Variants in PTPRD observed in about 807,000 individuals in gnomAD.
The protein encoded by PTPRD is protein tyrosine phosphatase receptor type D.
A neutral mutation model predicts 214.5 loss-of-function variants in PTPRD; 34 were observed. That is an observed-to-expected ratio of 0.16 (90% CI 0.12 to 0.21). PTPRD has a LOEUF of 0.21. Ranked by LOEUF, PTPRD falls within the 10% of genes least tolerant of loss-of-function variation. The pLI is 1.00. For missense variants in PTPRD, 2,545 were observed against 2,398.7 expected (o/e 1.06, Z -1.27); for synonymous variants, 1,128 against 845.7 (o/e 1.33, Z -5.79).
chr9:8,561,384 A>G (rs1368702894), intron 14 of PTPRD, among the ~76,000 whole-genome samples: 1 of 152,088 alleles, frequency 6.6e-6, no homozygotes, highest in Non-Finnish European at 1.5e-5. Context: ...CCATTGTTCA[A>G]TAAAATTCTT....
chr9:9,321,908 T>C (rs149173400), intron 9 of PTPRD, among the ~76,000 whole-genome samples: 53 of 152,320 alleles, frequency 3.5e-4, no homozygotes, highest in African/African-American at 1.2e-3. Flanking sequence ...ATTAACTTGA[T>C]TTTGATTGAG....
intron 14 of PTPRD, among the ~76,000 whole-genome samples, chr9:8,536,716 A>T (rs2077037228): frequency 6.6e-6 from 1 of 152,048 alleles, no homozygotes. Flanking sequence ...AGCAGGCACC[A>T]AAAGTCAGTA....
chr9:8,766,385 G>A (rs977261339), intron 11 of PTPRD, among the ~76,000 whole-genome samples: 3 of 152,050 alleles, frequency 2.0e-5, no homozygotes, highest in Non-Finnish European at 2.9e-5. Context: ...CCTGAGATGG[G>A]ACGGCATATT....
chr9:9,579,859 C>T (rs1439473102), intron 7 of PTPRD, among the ~76,000 whole-genome samples: 1 of 152,088 alleles, frequency 6.6e-6, no homozygotes, highest in Non-Finnish European at 1.5e-5. Flanking sequence ...CCTCCCACTC[C>T]CTTACCCTCT....
At chr9:10,113,523 T>C (rs1390894675) in intron 3 of PTPRD, among the ~76,000 whole-genome samples, 1 of 152,128 alleles carries the variant, frequency 6.6e-6, no homozygotes, top group East Asian at 1.9e-4. Context: ...GGATGCCATG[T>C]TTTTCAAACT....
chr9:9,793,724 T>C (rs2098982970), intron 5 of PTPRD, among the ~76,000 whole-genome samples: 1 of 152,086 alleles, frequency 6.6e-6, no homozygotes, highest in South Asian at 2.1e-4. Context: ...AATGTAATGG[T>C]AAAAAGTATC....
intron 36 of PTPRD, among the ~76,000 whole-genome samples, chr9:8,400,627 T>TGCA (rs2130076267): frequency 6.6e-6 from 1 of 152,332 alleles, no homozygotes; most frequent in East Asian, 1.9e-4. Context: ...TGTCACATCC[T>TGCA]GCACCGGTAG....
intron 8 of PTPRD, among the ~76,000 whole-genome samples, chr9:9,525,433 A>G (rs2073898591): frequency 6.6e-6 from 1 of 152,186 alleles, no homozygotes; most frequent in Admixed American, 6.5e-5. Flanking sequence ...ACTTTTAAAA[A>G]AAGTAAATTA....
chr9:8,535,758 A>G (rs2076780054), intron 14 of PTPRD, among the ~76,000 whole-genome samples: 1 of 151,936 alleles, frequency 6.6e-6, no homozygotes, highest in Non-Finnish European at 1.5e-5. Context: ...CATTCTGAAA[A>G]TAACTGTTTG....
Position 8,605,463 on chromosome 9 carries a change from G to A in PTPRD, c.352+27854C>T, listed in dbSNP as rs534937799. ...CTGAAACCATTGGGTCAAAGAAGGC[G>A]GATTCTTTCATTTCACAAAAGAGAA... On this transcript the variant is annotated intron_variant, in intron 14 of 45. Transcript: ENST00000381196. Among the ~76,000 whole-genome samples, 57 of 152,190 alleles carry A rather than the reference G, an allele frequency of 3.7e-4. 1 individual carries two copies. Among genetic ancestry groups the A allele is most frequent in the African/African-American group, 8.9e-4 (37 of 41,544 alleles).
At chr9:8,393,285 G>A (rs1250462800) in intron 36 of PTPRD, among the ~76,000 whole-genome samples, 1 of 152,074 alleles carries the variant, frequency 6.6e-6, no homozygotes, top group Non-Finnish European at 1.5e-5. Context: ...ATTCCTTTGG[G>A]GTTATGAAGG....
chr9:9,952,096 T>C (rs2154000511), intron 4 of PTPRD, among the ~76,000 whole-genome samples: 1 of 152,264 alleles, frequency 6.6e-6, no homozygotes, highest in East Asian at 1.9e-4. Context: ...AGAATGGATT[T>C]ACCAGACAAG....
At chr9:9,421,452 G>C (rs1459750538) in intron 8 of PTPRD, among the ~76,000 whole-genome samples, 3 of 152,034 alleles carry the variant, frequency 2.0e-5, no homozygotes, top group Admixed American at 6.6e-5. Flanking sequence ...CTGAAAACGA[G>C]TTGTTAAGAT....
At chr9:8,561,896 A>G (rs2086541610) in intron 14 of PTPRD, among the ~76,000 whole-genome samples, 1 of 152,022 alleles carries the variant, frequency 6.6e-6, no homozygotes, top group South Asian at 2.1e-4. Context: ...GCTTTGCAAA[A>G]CTATAACTCC....
At chr9:9,081,662 T>C (rs1322971417) in intron 10 of PTPRD, among the ~76,000 whole-genome samples, 13 of 152,118 alleles carry the variant, frequency 8.5e-5, no homozygotes, top group Admixed American at 8.5e-4. Context: ...GAACTTGCTT[T>C]ATGAATCTGG....
intron 3 of PTPRD, among the ~76,000 whole-genome samples, chr9:10,309,605 T>A (rs1270133509): frequency 2.0e-5 from 3 of 151,652 alleles, no homozygotes; most frequent in Non-Finnish European, 4.4e-5. Context: ...CCTCAAATGA[T>A]CTGCCCACCT....
Position 9,711,026 on chromosome 9 carries a change from C to T in PTPRD, c.-287+23507G>A, listed in dbSNP as rs139944658. On this transcript the variant is annotated intron_variant, in intron 7 of 45. Transcript: ENST00000381196. ...CACGACAACGTGTGAATGTGCCCTA[C>T]GATGGAATGGCATCCTGTCCAGAGT... Among the ~76,000 whole-genome samples the T allele has an allele frequency of 3.2e-4, 48 of 152,100 alleles. No homozygotes were observed. In the East Asian group the frequency reaches 6.8e-3, roughly 21 times the overall value.
intron 10 of PTPRD, among the ~76,000 whole-genome samples, chr9:9,079,611 C>A (rs941887243): frequency 4.6e-5 from 7 of 151,848 alleles, no homozygotes; most frequent in African/African-American, 1.7e-4. Context: ...TACAATTGGA[C>A]TGGGGCCTCT....
intron 43 of PTPRD, among the ~76,000 whole-genome samples, chr9:8,336,703 C>G (rs1001413199): frequency 2.0e-5 from 3 of 150,122 alleles, no homozygotes; most frequent in Admixed American, 6.6e-5. Context: ...TGCTATCTAT[C>G]CACCTGACAA....
Sources: gnomAD v4.1 joint callset for allele counts (sites outside exome capture counted in the v4.1 genomes callset) on GRCh38, gnomAD v4.1.1 for gene constraint, MANE v1.5 for transcripts, NCBI Gene and HGNC (gene_info 2026-07-23, HGNC 2026-07-21) for gene names.